Variants in FAM216A observed in about 807,000 individuals in gnomAD.
FAM216A encodes the protein family with sequence similarity 216 member A, also known as protein FAM216A.
FAM216A carries 26 observed loss-of-function variants against 37.6 expected under a neutral mutation model. The ratio of observed to expected loss-of-function variants is 0.69; its 90% CI spans 0.51 to 0.96. The LOEUF is 0.96. Ranked by LOEUF, FAM216A falls within the 40% of genes least tolerant of loss-of-function variation. The pLI, the probability that FAM216A is intolerant of heterozygous loss-of-function variation, is 0.00. For synonymous variants in FAM216A, 110 were observed against 121.7 expected, an observed-to-expected ratio of 0.90 and a Z score of 0.64; for missense variants, 326 against 339.3, an observed-to-expected ratio of 0.96 and a Z score of 0.31.
intron 2 of FAM216A, among the ~76,000 whole-genome samples, chr12:110,476,695 T>G (rs1312751622): frequency 6.6e-6 from 1 of 151,732 alleles, no homozygotes; most frequent in African/African-American, 2.4e-5. Context: ...GCCTGGCTAA[T>G]TTTTGTATTT....
At chr12:110,470,774 C>T in intron 1 of FAM216A, among the ~76,000 whole-genome samples, 1 of 152,000 alleles carries the variant, frequency 6.6e-6, no homozygotes, top group East Asian at 1.9e-4. Context: ...CTCCGCCTGT[C>T]GTTCATCTCC....
At chr12:110,487,567 C>T (rs2135556789) in intron 5 of FAM216A, 2 of 292,936 alleles carry the variant, frequency 6.8e-6, no homozygotes, top group South Asian at 5.3e-5. Flanking sequence ...CAATATAATT[C>T]CCACTCAACC....
At chr12:110,478,384 T>G (rs1373290151) in intron 2 of FAM216A, among the ~76,000 whole-genome samples, 1 of 152,166 alleles carries the variant, frequency 6.6e-6, no homozygotes, top group African/African-American at 2.4e-5. Context: ...CTCTAATCTC[T>G]CTAACCTGTA....
chr12:110,471,179 C>T (rs902500808), intron 1 of FAM216A, among the ~76,000 whole-genome samples: 2 of 152,018 alleles, frequency 1.3e-5, no homozygotes, highest in Admixed American at 1.3e-4. Context: ...ACTGCAACCT[C>T]CGCCTCCCAG....
intron 2 of FAM216A, among the ~76,000 whole-genome samples, chr12:110,481,528 GT>G (rs541934479): frequency 0.014 from 2,006 of 138,726 alleles, 29 homozygotes; most frequent in African/African-American, 0.035. Flanking sequence ...TGTGTGTGTG[GT>G]TTTTTTTTTT....
chr12:110,486,737 A>G lies in FAM216A; in HGVS notation c.620+20A>G. On this transcript the variant is annotated intron_variant, in intron 5 of 6. Transcript: ENST00000377673. ...AGAAGGGTCTGTTTCTTAGTGTAAA[A>G]GGGGGGAAATGCATCTCAGTTTAAT... 6.3e-7 allele frequency: 1 copy of G among 1,590,848 alleles called. No homozygotes were observed. The highest frequency in any genetic ancestry group is 8.5e-7 in the Non-Finnish European group (1 of 1,171,164).
At chr12:110,476,218 G>A (rs74751120) in intron 2 of FAM216A, among the ~76,000 whole-genome samples, 1 of 106,818 alleles carries the variant, frequency 9.4e-6, no homozygotes, top group Non-Finnish European at 2.0e-5. Context: ...TTTTTTTTTT[G>A]AGACGGAGTT....
intron 2 of FAM216A, among the ~76,000 whole-genome samples, chr12:110,484,212 G>A (rs1459150757): frequency 6.6e-6 from 1 of 151,966 alleles, no homozygotes; most frequent in Non-Finnish European, 1.5e-5. Flanking sequence ...AGGATCATGA[G>A]GTCAGGAGAT....
Position 110,490,225 on chromosome 12 carries a change from T to C in FAM216A, c.*88T>C. 1.3e-6 allele frequency: 1 copy of C among 756,780 alleles called. No individual in the cohort carries two copies. The highest frequency in any genetic ancestry group is 2.4e-6 in the Non-Finnish European group (1 of 425,130). The allele number at this position is 756,780 out of a possible 1,614,324, so 46.9% of individuals were successfully genotyped here. ...CTGTATGTTTAGGATGGTATTGTTA[T>C]TTATTAAATCATTAAGTAATTTTGG... is the stretch of plus-strand genomic sequence containing the variant. On this transcript the variant is annotated 3_prime_UTR_variant, in exon 7 of 7. Transcript: ENST00000377673.
At chr12:110,468,738 G>A, upstream of FAM216A, 1 of 1,490,834 alleles carries the variant, frequency 6.7e-7, no homozygotes. Context: ...GTAACTCCGG[G>A]GTCGCGGATC....
At chr12:110,489,870 TGGG>T in intron 6 of FAM216A, 146 bp from the exon 7 acceptor site, 1 of 568,204 alleles carries the variant, frequency 1.8e-6, no homozygotes. Context: ...GTAAGAAACT[TGGG>T]GGAAGGATGA....
chr12:110,486,142 G>T (rs1356424972), intron 3 of FAM216A, among the ~76,000 whole-genome samples, 183 bp from the exon 4 acceptor site: 11 of 152,204 alleles, frequency 7.2e-5, no homozygotes, highest in Admixed American at 7.2e-4. Flanking sequence ...GGAATGGCAA[G>T]CAGAGCCACT....
rs767810510 is a variant in FAM216A at position 110,486,709 on chromosome 12, C to T, written c.612C>T (p.Asn204=). Residue 204 remains asparagine (N), a synonymous_variant, in exon 5 of 7, where the codon AAC becomes AAT. Coordinates refer to ENST00000377673, the MANE Select transcript of FAM216A (RefSeq NM_013300.3). ...ATTCCCTTTGGCGGCCAGTGAGAAACAAAGAAGGGTCTGTTTCTTAGTGTA... is the reference window on the plus strand; with the variant it reads ...ATTCCCTTTGGCGGCCAGTGAGAAATAAAGAAGGGTCTGTTTCTTAGTGTA... ...IQHSLWRPVR[N]KEGIKTGYAS... 2.5e-6 allele frequency: 4 copies of T among 1,612,540 alleles called. No homozygotes were observed. The highest frequency in any genetic ancestry group is 3.4e-6 in the Non-Finnish European group (4 of 1,179,500).
chr12:110,470,992 T>C (rs1592973861), intron 1 of FAM216A, among the ~76,000 whole-genome samples: 1 of 152,012 alleles, frequency 6.6e-6, no homozygotes, highest in Admixed American at 6.6e-5. Context: ...CTGGCAGGGG[T>C]CTTAAAAATC....
At chr12:110,473,205 T>A in intron 2 of FAM216A, 87 bp downstream of exon 2, 1 of 684,394 alleles carries the variant, frequency 1.5e-6, no homozygotes, top group Non-Finnish European at 2.4e-6. Flanking sequence ...CACAATAGAG[T>A]TTTTTTCTTT....
intron 2 of FAM216A, among the ~76,000 whole-genome samples, chr12:110,478,706 C>T (rs538237629): frequency 2.3e-4 from 35 of 152,206 alleles, no homozygotes; most frequent in Middle Eastern, 3.4e-3. Flanking sequence ...CCCAGTCCAG[C>T]CCAGGCACCC....
intron 2 of FAM216A, among the ~76,000 whole-genome samples, chr12:110,474,349 A>G (rs1161203023): frequency 2.6e-5 from 4 of 152,118 alleles, no homozygotes; most frequent in Non-Finnish European, 5.9e-5. Flanking sequence ...AAACAAATAT[A>G]TGCCTAGTAA....
At chr12:110,482,327 C>T (rs989473171) in intron 2 of FAM216A, among the ~76,000 whole-genome samples, 10 of 152,050 alleles carry the variant, frequency 6.6e-5, no homozygotes, top group Non-Finnish European at 2.9e-5. Context: ...ATCTGCCCGC[C>T]TCAGCCTCCC....
In FAM216A at chr12:110,484,426, C is replaced by CAA. The variant is rs61648841; in HGVS notation, c.185-624_185-623dup. Reference sequence around the variant, plus strand: ...TGGGGGACACAGAGAGACTCCGTCTCAAAAAAAAAAAAAAAAAAAAAAAAA... The same window carrying CAA: ...TGGGGGACACAGAGAGACTCCGTCTCAAAAAAAAAAAAAAAAAAAAAAAAAAA... On this transcript the variant is annotated intron_variant, in intron 2 of 6. Transcript: ENST00000377673. Among the ~76,000 whole-genome samples, 40 of 51,258 alleles carry CAA rather than the reference C, an allele frequency of 7.8e-4. 3 individuals carry two copies. Among genetic ancestry groups the CAA allele is most frequent in the Admixed American group, 1.8e-3 (5 of 2,762 alleles). 33.6% of individuals were successfully genotyped at this position (51,258 alleles called of 152,430 possible).
Sources: gnomAD v4.1 joint callset for allele counts (sites outside exome capture counted in the v4.1 genomes callset) on GRCh38, gnomAD v4.1.1 for gene constraint, MANE v1.5 for transcripts, NCBI Gene and HGNC (gene_info 2026-07-23, HGNC 2026-07-21) for gene names.